Variants in ADAMTS3 observed in about 807,000 individuals in gnomAD.
The protein encoded by ADAMTS3 is A disintegrin and metalloproteinase with thrombospondin motifs 3.
Under a neutral mutation model 129.0 loss-of-function variants are expected in ADAMTS3, and 73 were observed. That is an observed-to-expected ratio of 0.57 (90% CI 0.47 to 0.69). The LOEUF is 0.69. Among genes scored for constraint, ADAMTS3 ranks in the 30% least tolerant of loss-of-function variants. The probability of loss-of-function intolerance (pLI) is 0.00; values close to 1 mark genes in which losing one functional copy is unlikely to be tolerated. For missense variants in ADAMTS3, 1,457 were observed against 1,514.5 expected, an observed-to-expected ratio of 0.96 and a Z score of 0.63; for synonymous variants, 477 against 510.8, an observed-to-expected ratio of 0.93 and a Z score of 0.89.
At chr4:72,322,723 A>G (rs1719588305) in intron 6 of ADAMTS3, among the ~76,000 whole-genome samples, 2 of 152,166 alleles carry the variant, frequency 1.3e-5, no homozygotes, top group South Asian at 4.1e-4. Context: ...CTCTCTCCTC[A>G]TAATAGTATC....
At chr4:72,404,787 ACTC>A (rs1220894296) in intron 4 of ADAMTS3, among the ~76,000 whole-genome samples, 1 of 150,682 alleles carries the variant, frequency 6.6e-6, no homozygotes, top group Non-Finnish European at 1.5e-5. Flanking sequence ...AATCTAAAGA[ACTC>A]CTTCAACTCA....
chr4:72,364,916 A>G (rs999357880), intron 4 of ADAMTS3, among the ~76,000 whole-genome samples: 2 of 152,170 alleles, frequency 1.3e-5, no homozygotes, highest in African/African-American at 2.4e-5. Flanking sequence ...ATAGCACTAT[A>G]TAAGTACATG....
In ADAMTS3 at chr4:72,384,996, G is replaced by A. The variant is rs553432711; in HGVS notation, c.661+29819C>T. Among the ~76,000 whole-genome samples, 13 of 151,992 alleles carry A rather than the reference G, an allele frequency of 8.6e-5. 1 individual carries two copies. Among genetic ancestry groups the A allele is most frequent in the South Asian group, 2.1e-4 (1 of 4,806 alleles). On this transcript the variant is annotated intron_variant, in intron 4 of 21. Coordinates refer to ENST00000286657, the MANE Select transcript of ADAMTS3 (RefSeq NM_014243.3). ...ATCCTGGCTAACACCCTGAAACCCCGTCTCTACTAAAAATATATTTTAAAA... is the reference window on the plus strand; with the variant it reads ...ATCCTGGCTAACACCCTGAAACCCCATCTCTACTAAAAATATATTTTAAAA...
intron 13 of ADAMTS3, 126 bp downstream of exon 13, chr4:72,312,165 C>CTCCT (rs1719256172): frequency 1.0e-6 from 1 of 966,812 alleles, no homozygotes; most frequent in Non-Finnish European, 1.6e-6. Flanking sequence ...GGAGAACTTA[C>CTCCT]TCCTATAAGC....
At chr4:72,539,991 G>A in intron 3 of ADAMTS3, among the ~76,000 whole-genome samples, 1 of 152,122 alleles carries the variant, frequency 6.6e-6, no homozygotes, top group East Asian at 1.9e-4. Context: ...AGAATGAGGT[G>A]CTGCTGAAAA....
At chr4:72,392,915 A>ATTTTTTT (rs36046621) in intron 4 of ADAMTS3, among the ~76,000 whole-genome samples, 26 of 139,850 alleles carry the variant, frequency 1.9e-4, no homozygotes, top group Non-Finnish European at 2.7e-4. Context: ...TACCCATCGG[A>ATTTTTTT]TTTTTTTTTT....
At chr4:72,396,492 G>T (rs1476848736) in intron 4 of ADAMTS3, among the ~76,000 whole-genome samples, 1 of 152,054 alleles carries the variant, frequency 6.6e-6, no homozygotes, top group Non-Finnish European at 1.5e-5. Flanking sequence ...ACCCACACTG[G>T]ATAATGAACA....
In ADAMTS3 at chr4:72,307,023, T is replaced by G. The variant is rs368402608; in HGVS notation, c.2180-956A>C. On this transcript the variant is annotated intron_variant, in intron 15 of 21. Coordinates refer to ENST00000286657, the MANE Select transcript of ADAMTS3 (RefSeq NM_014243.3). ...ATACAAATAAATGAATATAAAATGA[T>G]TATGTAACCTACACCTTCAATACAT... Among the ~76,000 whole-genome samples, 6 of 152,050 alleles carry G rather than the reference T, an allele frequency of 3.9e-5. No individual in the cohort carries two copies. In the East Asian group the frequency reaches 5.8e-4, roughly 15 times the overall value.
chr4:72,539,509 A>AC (rs1560558499), intron 3 of ADAMTS3, among the ~76,000 whole-genome samples: 2 of 151,374 alleles, frequency 1.3e-5, no homozygotes, highest in African/African-American at 2.4e-5. Flanking sequence ...AAAAAAAAAA[A>AC]AAAACAGAAA....
In ADAMTS3 at chr4:72,306,072, G is replaced by C. The variant is rs771866489; in HGVS notation, c.2180-5C>G. The C allele has an allele frequency of 3.1e-6, 5 of 1,595,700 alleles. No individual in the cohort carries two copies. The highest frequency in any genetic ancestry group is 4.3e-6 in the Non-Finnish European group (5 of 1,171,932). On this transcript the variant is annotated splice_region_variant and splice_polypyrimidine_tract_variant and intron_variant, in intron 15 of 21. Coordinates refer to ENST00000286657, the MANE Select transcript of ADAMTS3 (RefSeq NM_014243.3). ...TATCAAACATCTTAAGGTACCCTTTGCATGTGTAGTAAATATTGTAGGAAG... is the reference window on the plus strand; with the variant it reads ...TATCAAACATCTTAAGGTACCCTTTCCATGTGTAGTAAATATTGTAGGAAG...
intron 3 of ADAMTS3, among the ~76,000 whole-genome samples, chr4:72,497,614 T>C: frequency 6.6e-6 from 1 of 151,646 alleles, no homozygotes; most frequent in East Asian, 1.9e-4. Flanking sequence ...GGAAAGTATA[T>C]TTTTATACTC....
At chr4:72,534,538 G>C (rs538837554) in intron 3 of ADAMTS3, among the ~76,000 whole-genome samples, 1 of 152,280 alleles carries the variant, frequency 6.6e-6, no homozygotes, top group African/African-American at 2.4e-5. Context: ...GAATCAACCA[G>C]TGTAGAGGAA....
chr4:72,319,759 G>T, intron 8 of ADAMTS3, 99 bp downstream of exon 8: 2 of 1,012,234 alleles, frequency 2.0e-6, no homozygotes, highest in Non-Finnish European at 3.0e-6. Context: ...GACAAGAATT[G>T]TATGCTGGCA....
chr4:72,384,954 G>A (rs1199687078), intron 4 of ADAMTS3, among the ~76,000 whole-genome samples: 14 of 152,092 alleles, frequency 9.2e-5, no homozygotes, highest in Non-Finnish European at 1.9e-4. Flanking sequence ...GGATCACAAG[G>A]TCAGGAGATC....
At chr4:72,353,907 G>A (rs1432634249) in intron 4 of ADAMTS3, among the ~76,000 whole-genome samples, 4 of 151,874 alleles carry the variant, frequency 2.6e-5, no homozygotes, top group Non-Finnish European at 5.9e-5. Flanking sequence ...TACTGTTGTG[G>A]AGTTTGCCTA....
At chr4:72,287,276 T>C (rs1718530724) in intron 21 of ADAMTS3, among the ~76,000 whole-genome samples, 1 of 151,254 alleles carries the variant, frequency 6.6e-6, no homozygotes, top group Non-Finnish European at 1.5e-5. Flanking sequence ...TTTAATAAAG[T>C]ACCCAGTCTC....
At chr4:72,469,409 T>C (rs1719004605) in intron 3 of ADAMTS3, among the ~76,000 whole-genome samples, 1 of 152,146 alleles carries the variant, frequency 6.6e-6, no homozygotes, top group Admixed American at 6.5e-5. Context: ...CTCCATTTCT[T>C]CCTCTCTAAA....
chr4:72,430,992 G>A lies in ADAMTS3; in HGVS notation c.505-16021C>T, dbSNP rs1722684923. On this transcript the variant is annotated intron_variant, in intron 3 of 21. Coordinates refer to ENST00000286657, the MANE Select transcript of ADAMTS3 (RefSeq NM_014243.3). ...AGATGAAAATTTGAGAATGGAACATGAACTATTAAGATTTTAAGATTTTTT... is the reference window on the plus strand; with the variant it reads ...AGATGAAAATTTGAGAATGGAACATAAACTATTAAGATTTTAAGATTTTTT... Among the ~76,000 whole-genome samples, 3 of 152,036 alleles carry A rather than the reference G, an allele frequency of 2.0e-5. No individual in the cohort carries two copies. In the South Asian group the frequency reaches 6.2e-4, roughly 32 times the overall value.
At chr4:72,509,807 TAA>T (rs35858183) in intron 3 of ADAMTS3, among the ~76,000 whole-genome samples, 11 of 147,996 alleles carry the variant, frequency 7.4e-5, no homozygotes, top group South Asian at 4.3e-4. Context: ...AAAGACACAT[TAA>T]AAAAAAAAAA....
Sources: gnomAD v4.1 joint callset for allele counts (sites outside exome capture counted in the v4.1 genomes callset) on GRCh38, gnomAD v4.1.1 for gene constraint, MANE v1.5 for transcripts, NCBI Gene and HGNC (gene_info 2026-07-23, HGNC 2026-07-21) for gene names.